The following CNTNAP5 variants were observed in gnomAD, a reference collection of about 807,000 sequenced individuals.
CNTNAP5 encodes contactin-associated protein-like 5.
CNTNAP5 carries 72 observed loss-of-function variants against 150.2 expected under a neutral mutation model. The observed-to-expected ratio is 0.48, with a 90% CI of 0.40 to 0.58. The LOEUF (loss-of-function observed/expected upper bound fraction) is 0.58, where lower values mean the gene tolerates loss of function less well. CNTNAP5 is among the 20% of genes least tolerant of loss of function. CNTNAP5 has a pLI of 0.00. For missense variants in CNTNAP5, 1,636 were observed against 1,626.2 expected, an observed-to-expected ratio of 1.01 and a Z score of -0.10; for synonymous variants, 672 against 619.8, an observed-to-expected ratio of 1.08 and a Z score of -1.25.
At chr2:124,247,680 G>T (rs1360144137) in intron 3 of CNTNAP5, among the ~76,000 whole-genome samples, 2 of 151,910 alleles carry the variant, frequency 1.3e-5, no homozygotes, top group Non-Finnish European at 2.9e-5. Flanking sequence ...GATGTATTAA[G>T]GACACAAAAA....
rs1216090006 is a variant in CNTNAP5 at position 124,920,608 on chromosome 2, C to T, written c.*6320C>T. Reference sequence around the variant, plus strand: ...CTGAATCTGGCAGTTGACAGGCCTCCTGATATCCTGTGTTGCCTTGGACTA... The same window carrying T: ...CTGAATCTGGCAGTTGACAGGCCTCTTGATATCCTGTGTTGCCTTGGACTA... On this transcript the variant is annotated 3_prime_UTR_variant, in exon 24 of 24. Coordinates refer to ENST00000682447, the MANE Select transcript of CNTNAP5 (RefSeq NM_001367498.1). Among the ~76,000 whole-genome samples, 2 of 152,282 alleles carry T rather than the reference C, an allele frequency of 1.3e-5. No individual in the cohort carries two copies. Among genetic ancestry groups the T allele is most frequent in the East Asian group, 3.9e-4 (2 of 5,172 alleles).
At chr2:124,689,985 C>A (rs1679268112) in intron 13 of CNTNAP5, among the ~76,000 whole-genome samples, 1 of 151,918 alleles carries the variant, frequency 6.6e-6, no homozygotes, top group African/African-American at 2.4e-5. Flanking sequence ...CCCTCACACT[C>A]TTTCTGTTTT....
rs534307714 is a variant in CNTNAP5, at chr2:124,524,879, C to T, written c.1477+427C>T. On this transcript the variant is annotated intron_variant, in intron 9 of 23. Transcript: ENST00000682447. ...CAGCATGCTTAGCACCCAGGCCCTT[C>T]CTCTGCCACTTTCCTCTCTTAGTCT... 1.2e-4 allele frequency among the ~76,000 whole-genome samples: 19 copies of T among 152,314 alleles called. No individual in the cohort carries two copies. In the East Asian group the frequency reaches 3.7e-3, roughly 29 times the overall value.
chr2:124,579,216 A>G (rs1696358662), intron 11 of CNTNAP5, among the ~76,000 whole-genome samples: 1 of 152,212 alleles, frequency 6.6e-6, no homozygotes, highest in Admixed American at 6.5e-5. Flanking sequence ...CCTTTTTACC[A>G]TGATTTGGAG....
At chr2:124,108,548 C>G (rs935687924) in intron 1 of CNTNAP5, among the ~76,000 whole-genome samples, 4 of 152,168 alleles carry the variant, frequency 2.6e-5, no homozygotes, top group African/African-American at 9.7e-5. Flanking sequence ...GATACTGTTG[C>G]TCCCGTGCTC....
At chr2:124,052,923 C>G (rs1681737937) in intron 1 of CNTNAP5, among the ~76,000 whole-genome samples, 1 of 152,146 alleles carries the variant, frequency 6.6e-6, no homozygotes, top group African/African-American at 2.4e-5. Context: ...CCAGTATCAA[C>G]CCCTCCTTGC....
chr2:124,894,760 C>T (rs1678268798), intron 21 of CNTNAP5, among the ~76,000 whole-genome samples: 1 of 151,106 alleles, frequency 6.6e-6, no homozygotes, highest in African/African-American at 2.5e-5. Flanking sequence ...GACATTTTGC[C>T]AGGGCTGGTT....
chr2:124,529,775 C>A (rs1695062587), intron 10 of CNTNAP5, among the ~76,000 whole-genome samples: 1 of 152,268 alleles, frequency 6.6e-6, no homozygotes, highest in African/African-American at 2.4e-5. Flanking sequence ...GGAAAGCCCA[C>A]AGAGGACAAT....
At chr2:124,751,331 A>G (rs2105150116) in intron 14 of CNTNAP5, among the ~76,000 whole-genome samples, 1 of 152,318 alleles carries the variant, frequency 6.6e-6, no homozygotes, top group South Asian at 2.1e-4. Context: ...TCGTCATTTG[A>G]GAAATGTACA....
intron 22 of CNTNAP5, 69 bp downstream of exon 22, chr2:124,903,169 C>T (rs1678450731): frequency 9.6e-7 from 1 of 1,036,502 alleles, no homozygotes; most frequent in Admixed American, 3.2e-5. Flanking sequence ...CAAGAAGCTT[C>T]CAGATTAAAG....
At chr2:124,645,495 G>T (rs548021091) in intron 12 of CNTNAP5, among the ~76,000 whole-genome samples, 1 of 152,242 alleles carries the variant, frequency 6.6e-6, no homozygotes, top group South Asian at 2.1e-4. Context: ...TTGAGCCCAG[G>T]TGGCCAAGGC....
chr2:124,633,008 C>T (rs1325189078), intron 12 of CNTNAP5, among the ~76,000 whole-genome samples: 1 of 152,216 alleles, frequency 6.6e-6, no homozygotes, highest in Non-Finnish European at 1.5e-5. Context: ...TAAAAACCCA[C>T]CCCATGATCC....
chr2:124,092,136 C>G (rs561734479), intron 1 of CNTNAP5, among the ~76,000 whole-genome samples: 1 of 152,244 alleles, frequency 6.6e-6, no homozygotes, highest in South Asian at 2.1e-4. Flanking sequence ...TTAGAACTGT[C>G]CTGTTACAAG....
At chr2:124,895,679 A>T (rs778194744) in intron 21 of CNTNAP5, among the ~76,000 whole-genome samples, 1 of 151,604 alleles carries the variant, frequency 6.6e-6, no homozygotes, top group Non-Finnish European at 1.5e-5. Flanking sequence ...CCCTTTCTTC[A>T]AGAAACTGAT....
intron 11 of CNTNAP5, among the ~76,000 whole-genome samples, chr2:124,585,283 A>C (rs1285374491): frequency 6.6e-6 from 1 of 152,138 alleles, no homozygotes; most frequent in Non-Finnish European, 1.5e-5. Context: ...GGGAAGTTCT[A>C]AGGGTTATGC....
chr2:124,440,564 G>T (rs1335748493), intron 5 of CNTNAP5, among the ~76,000 whole-genome samples: 1 of 152,110 alleles, frequency 6.6e-6, no homozygotes, highest in Non-Finnish European at 1.5e-5. Flanking sequence ...AAGGATGAAA[G>T]AATTGGCATG....
chr2:124,264,176 G>GT (rs904621235), intron 3 of CNTNAP5, among the ~76,000 whole-genome samples: 21 of 152,078 alleles, frequency 1.4e-4, no homozygotes, highest in African/African-American at 5.1e-4. Context: ...TGCTCAAACC[G>GT]TGGGTGTTCA....
chr2:124,667,303 T>G (rs13385718), intron 13 of CNTNAP5, among the ~76,000 whole-genome samples: 1 of 152,096 alleles, frequency 6.6e-6, no homozygotes, highest in Non-Finnish European at 1.5e-5. Context: ...GATTGTTTAA[T>G]GTACACGTGT....
chr2:124,713,145 T>C (rs528662447), intron 13 of CNTNAP5, among the ~76,000 whole-genome samples: 2 of 151,202 alleles, frequency 1.3e-5, no homozygotes, highest in South Asian at 4.2e-4. Flanking sequence ...TCTTCCTTCC[T>C]TCCTTCCTTC....
Sources: gnomAD v4.1 joint callset for allele counts (sites outside exome capture counted in the v4.1 genomes callset) on GRCh38, gnomAD v4.1.1 for gene constraint, MANE v1.5 for transcripts, NCBI Gene and HGNC (gene_info 2026-07-23, HGNC 2026-07-21) for gene names.